The following SLC8A1 variants were observed in gnomAD, a reference collection of about 807,000 sequenced individuals.
The protein encoded by SLC8A1 is solute carrier family 8 member A1, also known as sodium/calcium exchanger 1.
In SLC8A1, 18 loss-of-function variants were observed where a neutral mutation model predicts 68.3. The ratio of observed to expected loss-of-function variants is 0.26; its 90% CI spans 0.18 to 0.39. SLC8A1 has a LOEUF of 0.39. Ranked by LOEUF, SLC8A1 falls within the 10% of genes least tolerant of loss-of-function variation. The probability of loss-of-function intolerance (pLI) is 1.00; values close to 1 mark genes in which losing one functional copy is unlikely to be tolerated. For missense variants in SLC8A1, 985 were observed against 1,156.7 expected (o/e 0.85, Z 2.15); for synonymous variants, 475 against 415.5 (o/e 1.14, Z -1.74).
intron 2 of SLC8A1, among the ~76,000 whole-genome samples, chr2:40,401,955 C>A (rs1055000429): frequency 6.6e-6 from 1 of 152,068 alleles, no homozygotes; most frequent in Non-Finnish European, 1.5e-5. Flanking sequence ...AATTTTCTAA[C>A]TTTAAGTGTA....
intron 2 of SLC8A1, chr2:40,337,240 T>C (rs1302565810): frequency 7.1e-6 from 2 of 282,188 alleles, no homozygotes; most frequent in African/African-American, 2.2e-5. Context: ...TGAAATGGTA[T>C]TTTGATATTT....
chr2:40,453,185 G>C (rs1171732798), upstream of SLC8A1: 2 of 152,164 alleles, frequency 1.3e-5, no homozygotes, highest in Non-Finnish European at 2.9e-5. Flanking sequence ...AGATGCTGTA[G>C]AATCTGAGGC....
intron 2 of SLC8A1, among the ~76,000 whole-genome samples, chr2:40,313,085 T>A (rs1251179800): frequency 6.6e-6 from 1 of 152,032 alleles, no homozygotes; most frequent in African/African-American, 2.4e-5. Context: ...CCCCCAAAGT[T>A]CTCTTCTCTA....
intron 2 of SLC8A1, among the ~76,000 whole-genome samples, chr2:40,280,108 G>C (rs551779557): frequency 4.9e-4 from 74 of 152,084 alleles, no homozygotes; most frequent in Non-Finnish European, 8.1e-4. Flanking sequence ...CTTTTAGATA[G>C]ATTTCTGCTT....
intron 2 of SLC8A1, among the ~76,000 whole-genome samples, chr2:40,354,720 AG>A (rs1159918894): frequency 3.3e-5 from 5 of 152,104 alleles, no homozygotes; most frequent in African/African-American, 1.2e-4. Flanking sequence ...ATAAATCTTA[AG>A]AAAAGAAAAA....
Position 40,271,800 on chromosome 2 carries a change from C to T in SLC8A1, c.1809-93945G>A, listed in dbSNP as rs540273105. Among the ~76,000 whole-genome samples, 11 of 152,282 alleles carry T rather than the reference C, an allele frequency of 7.2e-5. No individual in the cohort carries two copies. The South Asian group carries it at 1.2e-3, about 17-fold the overall frequency. On this transcript the variant is annotated intron_variant, in intron 2 of 7. Coordinates refer to ENST00000406785, the Ensembl canonical transcript of SLC8A1. ...CTACCCTTCTTTCCCCAGTGTCCCACGGATTGACTCATTTTCTTTCCGGAG... is the reference window on the plus strand; with the variant it reads ...CTACCCTTCTTTCCCCAGTGTCCCATGGATTGACTCATTTTCTTTCCGGAG...
intron 2 of SLC8A1, among the ~76,000 whole-genome samples, chr2:40,300,468 T>G (rs1383080287): frequency 1.3e-5 from 2 of 152,184 alleles, no homozygotes; most frequent in Admixed American, 1.3e-4. Context: ...CATTCTACAT[T>G]TCTTATTTGT....
At chr2:40,198,001 T>C (rs367631059) in intron 2 of SLC8A1, among the ~76,000 whole-genome samples, 143 of 152,004 alleles carry the variant, frequency 9.4e-4, no homozygotes, top group African/African-American at 3.1e-3. Context: ...AAAGTGAATA[T>C]AGATCAGAAG....
chr2:40,267,843 G>T (rs2065545419), intron 2 of SLC8A1, among the ~76,000 whole-genome samples: 1 of 152,146 alleles, frequency 6.6e-6, no homozygotes, highest in African/African-American at 2.4e-5. Flanking sequence ...CTGTTTTGCA[G>T]AGAGTCCCTT....
chr2:40,284,841 G>A (rs2068058439), intron 2 of SLC8A1, among the ~76,000 whole-genome samples: 1 of 152,008 alleles, frequency 6.6e-6, no homozygotes, highest in Admixed American at 6.6e-5. Context: ...AGTAGAGGAT[G>A]CTGTATCCAC....
chr2:40,228,667 G>T (rs574183601), intron 2 of SLC8A1, among the ~76,000 whole-genome samples: 9 of 152,274 alleles, frequency 5.9e-5, no homozygotes, highest in Middle Eastern at 3.4e-3. Context: ...GGTTTGGGTG[G>T]CAGGGAGCTT....
At chr2:40,273,605 A>AT (rs1200386170) in intron 2 of SLC8A1, among the ~76,000 whole-genome samples, 1 of 152,222 alleles carries the variant, frequency 6.6e-6, no homozygotes, top group African/African-American at 2.4e-5. Context: ...ATTAGATGCT[A>AT]TTTATTAGGT....
exon 8 of SLC8A1, chr2:40,106,860 G>T (rs1166944185): frequency 6.6e-6 from 1 of 152,184 alleles, no homozygotes; most frequent in Non-Finnish European, 1.5e-5. Flanking sequence ...GCAGTGGCTG[G>T]TTAAGTAGTT....
chr2:40,501,337 C>A (rs899793932), intron 1 of SLC8A1, among the ~76,000 whole-genome samples: 2 of 152,022 alleles, frequency 1.3e-5, no homozygotes, highest in Admixed American at 1.3e-4. Flanking sequence ...TTTATGTACT[C>A]TTTGTAAAAC....
upstream of SLC8A1, among the ~76,000 whole-genome samples, chr2:40,455,203 A>T (rs1164683548): frequency 6.6e-6 from 1 of 152,234 alleles, no homozygotes. Context: ...GACCAAGTGT[A>T]AATATTGTGA....
chr2:40,246,991 T>C (rs2061964730), intron 2 of SLC8A1, among the ~76,000 whole-genome samples: 1 of 152,212 alleles, frequency 6.6e-6, no homozygotes. Context: ...TCATCTTTTC[T>C]TACATGTTAA....
chr2:40,430,076 G>A (rs764034216), exon 2 of SLC8A1: 3 of 1,613,804 alleles, frequency 1.9e-6, no homozygotes, highest in Non-Finnish European at 2.5e-6. Flanking sequence ...CCAAAAGAAG[G>A]GTCTTGGGGT....
upstream of SLC8A1, among the ~76,000 whole-genome samples, chr2:40,453,714 A>G (rs1453064616): frequency 1.3e-5 from 2 of 152,192 alleles, no homozygotes; most frequent in Admixed American, 6.5e-5. Flanking sequence ...CTCTAGGCCA[A>G]TACTCCTCAA....
intron 1 of SLC8A1, among the ~76,000 whole-genome samples, chr2:40,475,584 A>T (rs886950438): frequency 3.9e-5 from 6 of 152,102 alleles, no homozygotes; most frequent in African/African-American, 1.4e-4. Flanking sequence ...CATTAACATA[A>T]ATACATATGT....
Sources: allele counts gnomAD v4.1 joint callset (sites outside exome capture counted in the v4.1 genomes callset), GRCh38; gene constraint gnomAD v4.1.1; transcripts MANE v1.5; gene names NCBI Gene and HGNC (gene_info 2026-07-23, HGNC 2026-07-21).